Variants in PCDHA3 observed in about 807,000 individuals in gnomAD.
The protein encoded by PCDHA3 is protocadherin alpha-3.
PCDHA3 carries 41 observed loss-of-function variants against 62.2 expected under a neutral mutation model. The observed-to-expected ratio is 0.66, with a 90% CI of 0.51 to 0.86. PCDHA3 has a LOEUF of 0.86. Ranked by LOEUF, PCDHA3 falls within the 40% of genes least tolerant of loss-of-function variation. The probability of loss-of-function intolerance (pLI) is 0.00; values close to 1 mark genes in which losing one functional copy is unlikely to be tolerated. For missense variants in PCDHA3, 1,304 were observed against 1,241.2 expected, an observed-to-expected ratio of 1.05 and a Z score of -0.76; for synonymous variants, 640 against 555.4, an observed-to-expected ratio of 1.15 and a Z score of -2.14.
At chr5:140,969,522 T>C in intron 1 of PCDHA3, 5 of 1,397,290 alleles carry the variant, frequency 3.6e-6, no homozygotes, top group Non-Finnish European at 4.7e-6. Context: ...AAGAATTGTT[T>C]TATTTTTCAT....
At position 140,856,841 on chromosome 5, in the gene PCDHA3, G is replaced by A. The variant is rs781868199; in HGVS notation, c.2394+53250G>A. On this transcript the variant is annotated intron_variant, in intron 1 of 3. Transcript: ENST00000522353. Reference sequence around the variant, plus strand: ...CCAAACATTAGTAATACGGCTCAACGCTTCTGATTCGGATGAAGGAATAAA... The same window carrying A: ...CCAAACATTAGTAATACGGCTCAACACTTCTGATTCGGATGAAGGAATAAA... 1.3e-5 allele frequency: 20 copies of A among 1,592,418 alleles called. 3 individuals are homozygous for A. The highest frequency in any genetic ancestry group is 3.4e-5 in the Admixed American group (2 of 59,178).
At chr5:140,807,961 A>G in intron 1 of PCDHA3, 1 of 1,614,080 alleles carries the variant, frequency 6.2e-7, no homozygotes, top group Non-Finnish European at 8.5e-7. Context: ...TTCCTAATGG[A>G]ACATTGGTAA....
intron 1 of PCDHA3, chr5:140,823,428 G>A (rs1428807001): frequency 1.2e-6 from 2 of 1,613,204 alleles, no homozygotes; most frequent in East Asian, 2.2e-5. Flanking sequence ...TGACGCTGCA[G>A]GTGTTCGTGC....
At chr5:140,916,261 A>C (rs2077497892) in intron 1 of PCDHA3, among the ~76,000 whole-genome samples, 1 of 152,168 alleles carries the variant, frequency 6.6e-6, no homozygotes. Context: ...GGACCCCAAG[A>C]GCATGCTTGT....
rs2150113743 is a variant in PCDHA3, at chr5:140,822,110, C to T, written c.2394+18519C>T. 266 of 1,614,090 alleles carry T rather than the reference C, an allele frequency of 1.6e-4. No individual in the cohort carries two copies. Among genetic ancestry groups the T allele is most frequent in the Non-Finnish European group, 2.2e-4 (256 of 1,180,060 alleles). ...CACCTGGAGGTGATCGTGGACAGGC[C>T]GCTGCAGGTTTTCCATGTGGAGGTG... On this transcript the variant is annotated intron_variant, in intron 1 of 3. Coordinates refer to ENST00000522353, the MANE Select transcript of PCDHA3 (RefSeq NM_018906.3).
intron 3 of PCDHA3, 47 bp from the exon 4 acceptor site, chr5:141,009,580 G>T: frequency 1.3e-6 from 2 of 1,588,168 alleles, no homozygotes; most frequent in South Asian, 2.3e-5. Context: ...GTGGCATCAA[G>T]AGCATGTGTT....
At chr5:140,919,175 T>C (rs1282672890) in intron 1 of PCDHA3, among the ~76,000 whole-genome samples, 1 of 152,248 alleles carries the variant, frequency 6.6e-6, no homozygotes, top group Non-Finnish European at 1.5e-5. Context: ...AGTTGCTATA[T>C]CTTCCTGATT....
At position 140,802,957 on chromosome 5, in the gene PCDHA3, C is replaced by T. The variant is rs368124157; in HGVS notation, c.1760C>T (p.Ala587Val). The T allele has an allele frequency of 6.2e-7, 1 of 1,613,882 alleles. No homozygotes were observed. Among genetic ancestry groups the T allele is most frequent in the Non-Finnish European group, 8.5e-7 (1 of 1,179,888 alleles). The change falls in exon 1 of 4, where the codon GCG becomes GTG. Residue 587 changes from alanine (A) to valine (V), a missense_variant. Ala to Val is a moderately conservative substitution (Grantham distance 64). Transcript: ENST00000522353. ...GAGCTGGTGCCGCGGTCAGTGGGTG[C>T]GGGCCACGTGGTAGCGAAGGTGCGC... ...VSELVPRSVG[A>V]GHVVAKVRAV...
intron 1 of PCDHA3, among the ~76,000 whole-genome samples, chr5:140,932,087 A>G (rs1262295013): frequency 6.6e-6 from 1 of 151,918 alleles, no homozygotes; most frequent in African/African-American, 2.4e-5. Flanking sequence ...TCAGGAAAAC[A>G]TGGTTTTTAT....
At chr5:140,883,416 G>T in intron 1 of PCDHA3, 1 of 1,614,158 alleles carries the variant, frequency 6.2e-7, no homozygotes, top group Non-Finnish European at 8.5e-7. Context: ...GGCTCAAATG[G>T]ACAGGTCACC....
chr5:140,823,977 C>A, intron 1 of PCDHA3: 3 of 1,614,044 alleles, frequency 1.9e-6, no homozygotes, highest in South Asian at 2.2e-5. Context: ...GCACACGGGG[C>A]AAGCCCACTC....
chr5:140,880,739 A>G (rs1349403476), intron 1 of PCDHA3, among the ~76,000 whole-genome samples: 1 of 152,204 alleles, frequency 6.6e-6, no homozygotes, highest in South Asian at 2.1e-4. Context: ...GAGAAAATGG[A>G]TTGTCAGTGT....
At chr5:140,813,478 T>C (rs2126646708) in intron 1 of PCDHA3, 2 of 152,182 alleles carry the variant, frequency 1.3e-5, no homozygotes, top group Non-Finnish European at 1.5e-5. Flanking sequence ...TACCTAAATA[T>C]ATCTAAACAT....
intron 1 of PCDHA3, chr5:140,858,274 G>T: frequency 6.3e-7 from 1 of 1,597,416 alleles, no homozygotes; most frequent in Non-Finnish European, 8.6e-7. Flanking sequence ...GCTCTAGCGC[G>T]GTGGGGAGCT....
At chr5:140,881,441 CAGA>C (rs782795888) in intron 1 of PCDHA3, 70 of 829,276 alleles carry the variant, frequency 8.4e-5, no homozygotes, top group Non-Finnish European at 1.0e-4. Context: ...TTTATAAAAA[CAGA>C]ATCCAAAACC....
At chr5:140,919,012 C>T (rs1411489160) in intron 1 of PCDHA3, among the ~76,000 whole-genome samples, 1 of 152,164 alleles carries the variant, frequency 6.6e-6, no homozygotes, top group Non-Finnish European at 1.5e-5. Flanking sequence ...CTTTCATTTC[C>T]TAGTGATCTT....
intron 1 of PCDHA3, among the ~76,000 whole-genome samples, chr5:140,960,594 G>A (rs1341832093): frequency 6.6e-6 from 1 of 152,042 alleles, no homozygotes; most frequent in African/African-American, 2.4e-5. Flanking sequence ...CAAATTCAAG[G>A]TACTTCAACA....
chr5:140,820,206 A>G (rs2150106272), intron 1 of PCDHA3, among the ~76,000 whole-genome samples: 45 of 152,132 alleles, frequency 3.0e-4, no homozygotes, highest in Middle Eastern at 6.8e-3. Flanking sequence ...TCAACGATCC[A>G]AATATTAGTG....
rs201793837 is a variant in PCDHA3 at position 141,003,710 on chromosome 5, A to G, written c.2543-5917A>G. Among the ~76,000 whole-genome samples, 7 of 152,316 alleles carry G rather than the reference A, an allele frequency of 4.6e-5. No homozygotes were observed. The East Asian group carries it at 1.2e-3, about 25-fold the overall frequency. On this transcript the variant is annotated intron_variant, in intron 3 of 3. Transcript: ENST00000522353. ...AAATATATCCCTACCAATTGTGAAG[A>G]TATCGGCTAATCCAATAAAAAAGCA... is the stretch of plus-strand genomic sequence containing the variant.
Sources: gnomAD v4.1 joint callset for allele counts (sites outside exome capture counted in the v4.1 genomes callset) on GRCh38, gnomAD v4.1.1 for gene constraint, MANE v1.5 for transcripts, NCBI Gene and HGNC (gene_info 2026-07-23, HGNC 2026-07-21) for gene names.